ABTB3: variants seen among roughly 807,000 people sequenced by gnomAD.
The protein encoded by ABTB3 is ankyrin repeat- and BTB/POZ domain-containing protein 3.
the ABTB3 span, among the ~76,000 whole-genome samples, chr12:107,412,312 G>A: frequency 7.9e-5 from 12 of 152,260 alleles, no homozygotes; most frequent in African/African-American, 2.6e-4. Context: ...CTTGCCCAAG[G>A]CCCCACAGCT....
At chr12:107,520,206 C>G in the ABTB3 span, 4 of 985,314 alleles carry the variant, frequency 4.1e-6, no homozygotes, top group Non-Finnish European at 4.8e-6. Flanking sequence ...CTTCCAGGCC[C>G]GAGGAGAGGA....
the ABTB3 span, among the ~76,000 whole-genome samples, chr12:107,513,104 G>A: frequency 6.6e-6 from 1 of 152,170 alleles, no homozygotes; most frequent in Non-Finnish European, 1.5e-5. Context: ...AAATAAATCT[G>A]AATTTAAACA....
the ABTB3 span, chr12:107,319,197 A>C: frequency 1.2e-5 from 19 of 1,594,090 alleles, no homozygotes; most frequent in Non-Finnish European, 1.6e-5. Flanking sequence ...GCCGGCCAGC[A>C]CTGCTCGCGG....
the ABTB3 span, among the ~76,000 whole-genome samples, chr12:107,508,237 A>T: frequency 1.3e-5 from 2 of 151,840 alleles, no homozygotes; most frequent in Non-Finnish European, 2.9e-5. Flanking sequence ...ATGCTGAAAA[A>T]AATTGTTTAG....
the ABTB3 span, among the ~76,000 whole-genome samples, chr12:107,582,289 CCAAA>C: frequency 2.6e-5 from 4 of 152,148 alleles, no homozygotes; most frequent in South Asian, 2.1e-4. Flanking sequence ...TGAATATTTC[CCAAA>C]CAGTGTAAAG....
chr12:107,630,877 TAATG>T, the ABTB3 span, among the ~76,000 whole-genome samples: 1 of 152,256 alleles, frequency 6.6e-6, no homozygotes, highest in Non-Finnish European at 1.5e-5. Flanking sequence ...TTGTTATAAT[TAATG>T]AACCAATATT....
chr12:107,427,640 T>G, the ABTB3 span, among the ~76,000 whole-genome samples: 1 of 152,168 alleles, frequency 6.6e-6, no homozygotes, highest in African/African-American at 2.4e-5. Context: ...ATTGATCACA[T>G]CTGCAGAGTC....
At chr12:107,468,353 C>A in the ABTB3 span, among the ~76,000 whole-genome samples, 1 of 152,044 alleles carries the variant, frequency 6.6e-6, no homozygotes, top group African/African-American at 2.4e-5. Context: ...GGGAAGCTGA[C>A]CAGTCAGTGG....
chr12:107,474,794 G>A, the ABTB3 span, among the ~76,000 whole-genome samples: 1 of 151,964 alleles, frequency 6.6e-6, no homozygotes, highest in African/African-American at 2.4e-5. Flanking sequence ...TGCAGAGTGA[G>A]CTTAACACAG....
At chr12:107,395,940 G>A in the ABTB3 span, among the ~76,000 whole-genome samples, 1 of 152,220 alleles carries the variant, frequency 6.6e-6, no homozygotes, top group Non-Finnish European at 1.5e-5. Flanking sequence ...GGCTGGATGG[G>A]AACCCTGTGT....
At chr12:107,358,152 A>G in the ABTB3 span, among the ~76,000 whole-genome samples, 2 of 152,342 alleles carry the variant, frequency 1.3e-5, no homozygotes, top group African/African-American at 4.8e-5. Context: ...TGGAGGGGGA[A>G]AGACACAAAT....
chr12:107,536,539 AG>A, the ABTB3 span, among the ~76,000 whole-genome samples: 93 of 150,358 alleles, frequency 6.2e-4, no homozygotes, highest in South Asian at 2.9e-3. Context: ...AACCTCAAAG[AG>A]AAAAAAAAAT....
chr12:107,573,281 G>C, the ABTB3 span, among the ~76,000 whole-genome samples: 10 of 152,220 alleles, frequency 6.6e-5, no homozygotes, highest in African/African-American at 2.4e-4. Flanking sequence ...GCAGTAGAAA[G>C]AGAAGGCTAT....
chr12:107,621,475 T>C, the ABTB3 span, among the ~76,000 whole-genome samples: 1 of 152,238 alleles, frequency 6.6e-6, no homozygotes, highest in African/African-American at 2.4e-5. Context: ...TTTTGTTTGT[T>C]TGTTGTTTTT....
chr12:107,581,077 G>A, the ABTB3 span: 4 of 1,545,756 alleles, frequency 2.6e-6, no homozygotes, highest in Non-Finnish European at 2.6e-6. Context: ...GCGAGCAGGG[G>A]GTGGGGCCAA....
chr12:107,319,884 CCCCGCCGGCCGCCGCGGCCGCCGCAGT>C, the ABTB3 span: 71 of 1,325,984 alleles, frequency 5.4e-5, 1 homozygote, highest in Admixed American at 8.6e-5. Flanking sequence ...AGCTGTTGCG[CCCCGCCGGCCGCCGCGGCCGCCGCAGT>C]CCCGCCGGCA....
chr12:107,547,206 G>T, the ABTB3 span, among the ~76,000 whole-genome samples: 1 of 146,148 alleles, frequency 6.8e-6, no homozygotes, highest in African/African-American at 2.5e-5. Flanking sequence ...AGAAGAAGGA[G>T]AAGAAGGAGA....
chr12:107,593,650 T>C, the ABTB3 span, among the ~76,000 whole-genome samples: 1 of 152,252 alleles, frequency 6.6e-6, no homozygotes, highest in Non-Finnish European at 1.5e-5. Flanking sequence ...TTAGTTATAA[T>C]GGACATTCAA....
the ABTB3 span, among the ~76,000 whole-genome samples, chr12:107,655,537 T>A: frequency 6.6e-6 from 1 of 152,170 alleles, no homozygotes; most frequent in African/African-American, 2.4e-5. Context: ...AGAGGCTAAT[T>A]TAGTAAAAAG....
Sources: gnomAD v4.1 joint callset for allele counts (sites outside exome capture counted in the v4.1 genomes callset) on GRCh38, gnomAD v4.1.1 for gene constraint, MANE v1.5 for transcripts, NCBI Gene and HGNC (gene_info 2026-07-23, HGNC 2026-07-21) for gene names.